LYPLAL1: variants seen among roughly 807,000 people sequenced by gnomAD.
LYPLAL1 encodes the protein lysophospholipase-like protein 1.
A neutral mutation model predicts 19.7 loss-of-function variants in LYPLAL1; 23 were observed. The ratio of observed to expected loss-of-function variants is 1.17; its 90% CI spans 0.84 to 1.65. The LOEUF (loss-of-function observed/expected upper bound fraction) is 1.65, where lower values mean the gene tolerates loss of function less well. Among genes scored for constraint, LYPLAL1 ranks in the 40% most tolerant of loss-of-function variants. The pLI, the probability that LYPLAL1 is intolerant of heterozygous loss-of-function variation, is 0.00. For synonymous variants in LYPLAL1, 119 were observed against 96.3 expected (o/e 1.24, Z -1.38); for missense variants, 355 against 279.4 (o/e 1.27, Z -1.93).
intron 3 of LYPLAL1, among the ~76,000 whole-genome samples, chr1:219,201,065 A>G (rs1658057482): frequency 6.6e-6 from 1 of 152,206 alleles, no homozygotes; most frequent in African/African-American, 2.4e-5. Flanking sequence ...GATACTTCCA[A>G]CCATCTTTAG....
intron 1 of LYPLAL1, among the ~76,000 whole-genome samples, chr1:219,177,218 A>T (rs1655889130): frequency 6.6e-6 from 1 of 152,162 alleles, no homozygotes; most frequent in Admixed American, 6.5e-5. Context: ...AGTGAGAAGA[A>T]TAGGAAGGGA....
intron 2 of LYPLAL1, among the ~76,000 whole-genome samples, chr1:219,191,087 G>T (rs940700169): frequency 6.6e-6 from 1 of 151,536 alleles, no homozygotes; most frequent in Non-Finnish European, 1.5e-5. Context: ...CTCTTAAATG[G>T]TAACATTTTA....
chr1:219,271,437 C>G, the LYPLAL1 span: 1 of 143,996 alleles, frequency 6.9e-6, no homozygotes. Context: ...ATTTTTCTAA[C>G]TAAAAGACCG....
At chr1:219,231,346 G>T in the LYPLAL1 span, among the ~76,000 whole-genome samples, 1 of 152,156 alleles carries the variant, frequency 6.6e-6, no homozygotes, top group African/African-American at 2.4e-5. Context: ...GTAAAACAAT[G>T]CAAGAACATG....
At chr1:219,364,253 C>A in the LYPLAL1 span, among the ~76,000 whole-genome samples, 1 of 152,112 alleles carries the variant, frequency 6.6e-6, no homozygotes, top group African/African-American at 2.4e-5. Context: ...ATAATCTATG[C>A]TCCTTACTGT....
chr1:219,185,091 G>A (rs1001920100), intron 2 of LYPLAL1, among the ~76,000 whole-genome samples: 1 of 151,562 alleles, frequency 6.6e-6, no homozygotes, highest in African/African-American at 2.4e-5. Flanking sequence ...ATAGAACCAG[G>A]ATATTCAGAT....
the LYPLAL1 span, among the ~76,000 whole-genome samples, chr1:219,265,657 G>A: frequency 6.6e-6 from 1 of 152,104 alleles, no homozygotes; most frequent in Non-Finnish European, 1.5e-5. Context: ...GATACCTTCT[G>A]AGAAATGCAT....
At chr1:219,355,749 G>A in the LYPLAL1 span, among the ~76,000 whole-genome samples, 1 of 151,736 alleles carries the variant, frequency 6.6e-6, no homozygotes, top group Non-Finnish European at 1.5e-5. Context: ...AAATTTAAAA[G>A]AATTGAAACC....
At chr1:219,222,320 G>A in the LYPLAL1 span, 2 of 152,048 alleles carry the variant, frequency 1.3e-5, no homozygotes, top group Non-Finnish European at 2.9e-5. Context: ...ACACTTCAGG[G>A]CATCAACCTC....
chr1:219,193,178 C>T lies in LYPLAL1; in HGVS notation c.288C>T (p.Val96=), dbSNP rs1657329792. 6.2e-7 allele frequency: 1 copy of T among 1,610,214 alleles called. No homozygotes were observed. The highest frequency in any genetic ancestry group is 8.5e-7 in the Non-Finnish European group (1 of 1,177,544). The change falls in exon 3 of 5, where the codon GTC becomes GTT. Residue 96 remains valine, a synonymous_variant. Transcript: ENST00000366928. The stretch of plus-strand genomic sequence containing the variant: ...CAGAACACCTTGAATCAATTGATGT[C>T]ATGTGTCAAGTGCTTACTGATTTGA... ...DCPEHLESID[V]MCQVLTDLID... is the part of the protein sequence containing the mutation.
the LYPLAL1 span, among the ~76,000 whole-genome samples, chr1:219,281,306 G>T: frequency 3.5e-5 from 4 of 113,852 alleles, no homozygotes; most frequent in Non-Finnish European, 7.6e-5. Flanking sequence ...TAAAAATAAA[G>T]AGAGAAAGGT....
chr1:219,303,569 A>G, the LYPLAL1 span, among the ~76,000 whole-genome samples: 4 of 152,234 alleles, frequency 2.6e-5, no homozygotes, highest in Non-Finnish European at 5.9e-5. Context: ...ATCATAGAAC[A>G]TGTGAGCTGT....
the LYPLAL1 span, among the ~76,000 whole-genome samples, chr1:219,275,765 A>G: frequency 1.3e-5 from 2 of 152,032 alleles, no homozygotes; most frequent in East Asian, 1.9e-4. Flanking sequence ...ATATTGTAAA[A>G]TTTAATATAT....
chr1:219,308,546 G>T, the LYPLAL1 span, among the ~76,000 whole-genome samples: 1 of 152,198 alleles, frequency 6.6e-6, no homozygotes, highest in Non-Finnish European at 1.5e-5. Context: ...CCCATGCTGT[G>T]TGCAGTCTAG....
At chr1:219,291,749 T>C in the LYPLAL1 span, among the ~76,000 whole-genome samples, 2 of 151,648 alleles carry the variant, frequency 1.3e-5, no homozygotes, top group African/African-American at 4.9e-5. Context: ...TAAAATCACC[T>C]GTCACAGGGT....
At chr1:219,236,062 CCAAA>C in the LYPLAL1 span, among the ~76,000 whole-genome samples, 33 of 152,218 alleles carry the variant, frequency 2.2e-4, no homozygotes, top group South Asian at 4.4e-3. Flanking sequence ...TGATTTCTAG[CCAAA>C]CAAACATATG....
the LYPLAL1 span, among the ~76,000 whole-genome samples, chr1:219,372,415 G>A: frequency 6.6e-6 from 1 of 152,152 alleles, no homozygotes; most frequent in Non-Finnish European, 1.5e-5. Flanking sequence ...AGGAGGCCAA[G>A]ACCCATAGGT....
At chr1:219,373,863 C>CTAAAAAAAAAAAAAAA in the LYPLAL1 span, among the ~76,000 whole-genome samples, 1 of 102,216 alleles carries the variant, frequency 9.8e-6, no homozygotes, top group Non-Finnish European at 2.0e-5. Flanking sequence ...ATAAAATTGT[C>CTAAAAAAAAAAAAAAA]AAAAAAAAAA....
chr1:219,353,405 C>A, the LYPLAL1 span, among the ~76,000 whole-genome samples: 1 of 152,212 alleles, frequency 6.6e-6, no homozygotes, highest in East Asian at 1.9e-4. Flanking sequence ...GGAAGGACAA[C>A]TATTGGAGAC....
Sources: gnomAD v4.1 joint callset for allele counts (sites outside exome capture counted in the v4.1 genomes callset) on GRCh38, gnomAD v4.1.1 for gene constraint, MANE v1.5 for transcripts, NCBI Gene and HGNC (gene_info 2026-07-23, HGNC 2026-07-21) for gene names.